The following RGS6 variants were observed in gnomAD, a reference collection of about 807,000 sequenced individuals.
RGS6 encodes regulator of G protein signaling 6, also known as regulator of G-protein signaling 6.
In RGS6, 30 loss-of-function variants were observed where a neutral mutation model predicts 78.5. The observed-to-expected ratio is 0.38, with a 90% CI of 0.29 to 0.52. The LOEUF (loss-of-function observed/expected upper bound fraction) is 0.52. Among genes scored for constraint, RGS6 ranks in the 20% least tolerant of loss-of-function variants. RGS6 has a pLI of 0.85. For synonymous variants in RGS6, 206 were observed against 206.0 expected, an observed-to-expected ratio of 1.00 and a Z score of 0.00; for missense variants, 495 against 609.7, an observed-to-expected ratio of 0.81 and a Z score of 1.98.
At chr14:72,057,635 T>A (rs2093685881) in intron 2 of RGS6, among the ~76,000 whole-genome samples, 1 of 152,208 alleles carries the variant, frequency 6.6e-6, no homozygotes, top group African/African-American at 2.4e-5. Flanking sequence ...TGCTTTCCTT[T>A]AAGTGTTCTC....
At chr14:72,214,815 G>T (rs2045162277) in intron 2 of RGS6, among the ~76,000 whole-genome samples, 1 of 152,086 alleles carries the variant, frequency 6.6e-6, no homozygotes, top group African/African-American at 2.4e-5. Context: ...GGGGAGTAGG[G>T]TAAGGAAAGA....
chr14:72,612,986 A>T, the RGS6 span, among the ~76,000 whole-genome samples: 1 of 119,348 alleles, frequency 8.4e-6, no homozygotes, highest in Non-Finnish European at 1.8e-5. Context: ...TGGTTCATTA[A>T]GTAGGGCGTG....
At chr14:71,920,328 A>G in the RGS6 span, among the ~76,000 whole-genome samples, 1 of 152,156 alleles carries the variant, frequency 6.6e-6, no homozygotes, top group African/African-American at 2.4e-5. Context: ...TTGTCTTCAC[A>G]ATCTGCTATA....
the RGS6 span, among the ~76,000 whole-genome samples, chr14:72,581,160 C>T: frequency 6.6e-6 from 1 of 152,170 alleles, no homozygotes; most frequent in Non-Finnish European, 1.5e-5. Context: ...ATGAAGCCCC[C>T]TGCCCAGCTC....
In RGS6 at chr14:72,229,127, C is replaced by A. The variant is rs573760309; in HGVS notation, c.85-122968C>A. Among the ~76,000 whole-genome samples, 109 of 152,268 alleles carry A rather than the reference C, an allele frequency of 7.2e-4. 3 individuals are homozygous for A. In the South Asian group the frequency reaches 0.022, roughly 31 times the overall value. ...ACAACACAAAGAGATTCCACTGTCC[C>A]CCAATAGTAACGTCTTGCAAATCTA... On this transcript the variant is annotated intron_variant, in intron 2 of 17. Coordinates refer to ENST00000553525, the MANE Select transcript of RGS6 (RefSeq NM_001204424.2).
In RGS6 at chr14:71,993,295, G is replaced by A. The variant is rs114644143; in HGVS notation, c.84+28420G>A. On this transcript the variant is annotated intron_variant, in intron 2 of 17. Coordinates refer to ENST00000553525, the MANE Select transcript of RGS6 (RefSeq NM_001204424.2). Reference sequence around the variant, plus strand: ...ACACATCTTAGCTGCCATGAACAGCGCACACTTTGACAAAATATTTTTTTT... The same window carrying A: ...ACACATCTTAGCTGCCATGAACAGCACACACTTTGACAAAATATTTTTTTT... Among the ~76,000 whole-genome samples, 535 of 138,356 alleles carry A rather than the reference G, an allele frequency of 3.9e-3. 5 individuals are homozygous for A. The highest frequency in any genetic ancestry group is 0.013 in the Admixed American group (173 of 13,268). 90.8% of individuals were successfully genotyped at this position (138,356 alleles called of 152,430 possible). A position where few individuals can be genotyped will look rare whatever the true frequency, so the allele number is the denominator to read the frequency against.
At chr14:72,486,078 A>G (rs1379048432) in intron 12 of RGS6, among the ~76,000 whole-genome samples, 2 of 130,994 alleles carry the variant, frequency 1.5e-5, no homozygotes, top group African/African-American at 6.1e-5. Context: ...TTCTCATGAG[A>G]CCTGATGGCT....
chr14:72,609,113 T>C, the RGS6 span, among the ~76,000 whole-genome samples: 1 of 152,200 alleles, frequency 6.6e-6, no homozygotes, highest in South Asian at 2.1e-4. Flanking sequence ...TCAACATTGC[T>C]AACCAATCAC....
intron 2 of RGS6, among the ~76,000 whole-genome samples, chr14:72,073,418 A>G (rs1407910781): frequency 6.6e-6 from 1 of 152,232 alleles, no homozygotes; most frequent in Admixed American, 6.5e-5. Flanking sequence ...ACACTGAGAG[A>G]AATCTAGGTT....
the RGS6 span, chr14:72,619,850 C>CTAG: frequency 2.1e-6 from 3 of 1,454,660 alleles, no homozygotes; most frequent in African/African-American, 1.4e-5. Context: ...TCAGTAAGTG[C>CTAG]TAGTAGTAGT....
intron 3 of RGS6, among the ~76,000 whole-genome samples, chr14:72,359,976 T>A (rs2081138984): frequency 6.6e-6 from 1 of 152,110 alleles, no homozygotes; most frequent in Non-Finnish European, 1.5e-5. Flanking sequence ...GGAAGGAGTT[T>A]CCCTTGTAAA....
At chr14:71,903,839 G>A in the RGS6 span, among the ~76,000 whole-genome samples, 1 of 152,108 alleles carries the variant, frequency 6.6e-6, no homozygotes, top group East Asian at 1.9e-4. Flanking sequence ...AAAGGAAATA[G>A]AAATTCTACT....
rs923516128 is a variant in RGS6, at chr14:72,296,112, A to G, written c.85-55983A>G. ...GACTTTGTATAAATGGAATCATACC[A>G]TATGTACTCTTTTGTGTCTACTTTG... On this transcript the variant is annotated intron_variant, in intron 2 of 17. Coordinates refer to ENST00000553525, the MANE Select transcript of RGS6 (RefSeq NM_001204424.2). 6.4e-4 allele frequency among the ~76,000 whole-genome samples: 97 copies of G among 152,202 alleles called. 3 individuals carry two copies. The highest frequency in any genetic ancestry group is 1.5e-5 in the Non-Finnish European group (1 of 68,032).
At chr14:72,541,311 C>T (rs993582170) in intron 17 of RGS6, 4 of 870,748 alleles carry the variant, frequency 4.6e-6, no homozygotes, top group South Asian at 1.1e-4. Context: ...ATTTACGTGT[C>T]GTAGCTAGAT....
the RGS6 span, among the ~76,000 whole-genome samples, chr14:71,869,104 A>T: frequency 6.6e-6 from 1 of 152,354 alleles, no homozygotes; most frequent in South Asian, 2.1e-4. Context: ...CTTAATAAGG[A>T]ATAACACCTA....
At chr14:72,543,760 GAC>G (rs1320932607) in intron 17 of RGS6, among the ~76,000 whole-genome samples, 1 of 152,228 alleles carries the variant, frequency 6.6e-6, no homozygotes, top group Non-Finnish European at 1.5e-5. Flanking sequence ...TGCTTCTTGA[GAC>G]AGAGTCTCAC....
At chr14:72,304,460 T>G (rs981909859) in intron 2 of RGS6, among the ~76,000 whole-genome samples, 2 of 152,242 alleles carry the variant, frequency 1.3e-5, no homozygotes, top group African/African-American at 4.8e-5. Flanking sequence ...TTTTTACTCT[T>G]TGGTTCCACA....
chr14:71,929,290 C>T (rs2087766152), upstream of RGS6, among the ~76,000 whole-genome samples: 2 of 152,238 alleles, frequency 1.3e-5, no homozygotes, highest in South Asian at 4.1e-4. Flanking sequence ...ATCTCTTTAG[C>T]ATCCTTCAAT....
intron 2 of RGS6, among the ~76,000 whole-genome samples, chr14:72,132,785 T>G (rs2096354765): frequency 6.6e-6 from 1 of 151,888 alleles, no homozygotes; most frequent in South Asian, 2.1e-4. Context: ...TTTGTCGTTT[T>G]TTTTTTTTTT....
Sources: allele counts gnomAD v4.1 joint callset (sites outside exome capture counted in the v4.1 genomes callset), GRCh38; gene constraint gnomAD v4.1.1; transcripts MANE v1.5; gene names NCBI Gene and HGNC (gene_info 2026-07-23, HGNC 2026-07-21).